The following RARB variants were observed in gnomAD, a reference collection of about 807,000 sequenced individuals.
The protein encoded by RARB is HBV-activated protein.
A neutral mutation model predicts 51.9 loss-of-function variants in RARB; 17 were observed. That is an observed-to-expected ratio of 0.33 (90% CI 0.22 to 0.49). The LOEUF (loss-of-function observed/expected upper bound fraction) is 0.49, where lower values mean the gene tolerates loss of function less well. Ranked by LOEUF, RARB falls within the 20% of genes least tolerant of loss-of-function variation. The probability of loss-of-function intolerance (pLI) is 0.99; values close to 1 mark genes in which losing one functional copy is unlikely to be tolerated. For missense variants in RARB, 369 were observed against 550.8 expected, an observed-to-expected ratio of 0.67 and a Z score of 3.30; for synonymous variants, 215 against 195.4, an observed-to-expected ratio of 1.10 and a Z score of -0.84.
chr3:25,417,651 C>G (rs548998113), intron 5 of RARB, among the ~76,000 whole-genome samples: 2 of 152,336 alleles, frequency 1.3e-5, no homozygotes, highest in East Asian at 1.9e-4. Context: ...AAATCTCTCT[C>G]TTTTGTAAAT....
intron 5 of RARB, among the ~76,000 whole-genome samples, chr3:25,301,520 G>T (rs1704037740): frequency 6.6e-6 from 1 of 152,174 alleles, no homozygotes; most frequent in Admixed American, 6.5e-5. Context: ...CATTCATATT[G>T]TGTTGTAGAG....
At chr3:24,854,567 C>T (rs9864319) in intron 1 of RARB, among the ~76,000 whole-genome samples, 106,230 of 152,038 alleles carry the variant, frequency 0.7, 37,942 homozygotes, top group East Asian at 0.97. Context: ...ACTGAACCCA[C>T]CTAACAAATC....
chr3:25,580,840 A>G, intron 5 of RARB, 118 bp downstream of exon 5: 2 of 1,145,390 alleles, frequency 1.7e-6, no homozygotes, highest in South Asian at 1.9e-5. Context: ...TTTCGACTCT[A>G]GCACTCACCT....
At chr3:24,937,088 AAGAATATCACTTCAAAAAGTG>A (rs754650053) in intron 2 of RARB, among the ~76,000 whole-genome samples, 103 of 152,354 alleles carry the variant, frequency 6.8e-4, no homozygotes, top group Admixed American at 1.4e-3. Context: ...TGTGTAATTT[AAGAATATCACTTCAAAAAGTG>A]ATTGTCTCAT....
chr3:24,909,133 ATC>A (rs1694935960), intron 2 of RARB, among the ~76,000 whole-genome samples: 1 of 152,136 alleles, frequency 6.6e-6, no homozygotes, highest in South Asian at 2.1e-4. Flanking sequence ...AGGAAACCAA[ATC>A]TCTGAGGTTA....
chr3:25,033,092 GTTAAATTTTTACTTT>G (rs964590077), intron 2 of RARB, among the ~76,000 whole-genome samples: 1 of 152,060 alleles, frequency 6.6e-6, no homozygotes, highest in African/African-American at 2.4e-5. Context: ...TTTTGATCTG[GTTAAATTTTTACTTT>G]TTGTTTTTAA....
chr3:25,552,557 G>A (rs1014563753), intron 3 of RARB, among the ~76,000 whole-genome samples: 1 of 152,104 alleles, frequency 6.6e-6, no homozygotes, highest in African/African-American at 2.4e-5. Context: ...AGCTGGCCCT[G>A]CTTTGCATAT....
intron 1 of RARB, among the ~76,000 whole-genome samples, chr3:25,453,853 G>A (rs2125545262): frequency 6.6e-6 from 1 of 152,182 alleles, no homozygotes; most frequent in South Asian, 2.1e-4. Flanking sequence ...ACTCCCCATC[G>A]TCCTCCCTCT....
At chr3:25,253,053 G>A (rs926131033) in intron 5 of RARB, among the ~76,000 whole-genome samples, 3 of 152,142 alleles carry the variant, frequency 2.0e-5, no homozygotes, top group African/African-American at 4.8e-5. Context: ...TAGGCACTAG[G>A]ATTCACAAAT....
intron 2 of RARB, among the ~76,000 whole-genome samples, chr3:24,932,932 A>G (rs1181904786): frequency 6.6e-6 from 1 of 152,124 alleles, no homozygotes; most frequent in East Asian, 1.9e-4. Flanking sequence ...TAATTTATTT[A>G]TGAATAAAGT....
chr3:24,889,366 C>A (rs890214769), intron 2 of RARB, among the ~76,000 whole-genome samples: 1 of 152,130 alleles, frequency 6.6e-6, no homozygotes, highest in Non-Finnish European at 1.5e-5. Flanking sequence ...GAGAGAAAAT[C>A]TTGACTTCTC....
At chr3:25,241,985 C>G (rs533628096) in intron 5 of RARB, among the ~76,000 whole-genome samples, 28 of 152,292 alleles carry the variant, frequency 1.8e-4, no homozygotes, top group African/African-American at 6.5e-4. Flanking sequence ...TGTTTCCTGA[C>G]TTTTTAATGA....
intron 2 of RARB, among the ~76,000 whole-genome samples, chr3:25,482,662 C>T (rs548603907): frequency 4.0e-5 from 6 of 150,226 alleles, no homozygotes; most frequent in Non-Finnish European, 8.9e-5. Flanking sequence ...ACCTCAGCCT[C>T]CCGAGTAGCT....
chr3:24,934,400 A>T (rs753407145), intron 2 of RARB, among the ~76,000 whole-genome samples: 1 of 152,118 alleles, frequency 6.6e-6, no homozygotes, highest in Non-Finnish European at 1.5e-5. Flanking sequence ...TGTACTGTTC[A>T]GATGACTTCG....
chr3:24,902,818 T>G (rs1232803106), intron 2 of RARB, among the ~76,000 whole-genome samples: 1 of 152,224 alleles, frequency 6.6e-6, no homozygotes, highest in Non-Finnish European at 1.5e-5. Flanking sequence ...TTTGCCAATC[T>G]GGTTATATGG....
chr3:25,168,693 C>T (rs907498019), intron 4 of RARB, among the ~76,000 whole-genome samples: 1 of 151,944 alleles, frequency 6.6e-6, no homozygotes, highest in African/African-American at 2.4e-5. Context: ...AGGATATCTT[C>T]CAGAAAAGAG....
At chr3:24,981,586 C>G (rs539011400) in intron 2 of RARB, among the ~76,000 whole-genome samples, 1 of 151,980 alleles carries the variant, frequency 6.6e-6, no homozygotes, top group African/African-American at 2.4e-5. Flanking sequence ...TGGGACCCAC[C>G]GAGCCAGGCA....
rs113215606 is a variant in RARB, at chr3:25,248,570, G to C, written c.178+73995G>C. On this transcript the variant is annotated intron_variant, in intron 5 of 11. Coordinates refer to the RARB transcript ENST00000383772. Reference sequence around the variant, plus strand: ...ACTTTTGTGAGTTTTCATGATGGTAGATAGTATCTTTTTGTTTCCAGGTGT... The same window carrying C: ...ACTTTTGTGAGTTTTCATGATGGTACATAGTATCTTTTTGTTTCCAGGTGT... Among the ~76,000 whole-genome samples the C allele has an allele frequency of 7.2e-5, 11 of 152,214 alleles. 1 individual carries two copies. The highest frequency in any genetic ancestry group is 2.6e-4 in the African/African-American group (11 of 41,552).
intron 3 of RARB, among the ~76,000 whole-genome samples, chr3:25,569,333 A>G (rs1455361420): frequency 1.3e-5 from 2 of 152,236 alleles, no homozygotes; most frequent in Non-Finnish European, 2.9e-5. Flanking sequence ...ATGTGTAGCT[A>G]GGAAATACTA....
Sources: allele counts gnomAD v4.1 joint callset (sites outside exome capture counted in the v4.1 genomes callset), GRCh38; gene constraint gnomAD v4.1.1; transcripts MANE v1.5; gene names NCBI Gene and HGNC (gene_info 2026-07-23, HGNC 2026-07-21).